Variants in NDRG1 observed in about 807,000 individuals in gnomAD.
The protein encoded by NDRG1 is N-myc downstream regulated 1.
NDRG1 carries 32 observed loss-of-function variants against 56.9 expected under a neutral mutation model. The observed-to-expected ratio is 0.56, with a 90% CI of 0.42 to 0.76. NDRG1 has a LOEUF of 0.76. Among genes scored for constraint, NDRG1 ranks in the 30% least tolerant of loss-of-function variants. The pLI is 0.00. For synonymous variants in NDRG1, 211 were observed against 204.1 expected, an observed-to-expected ratio of 1.03 and a Z score of -0.29; for missense variants, 507 against 545.7, an observed-to-expected ratio of 0.93 and a Z score of 0.71.
At chr8:133,293,082 C>T (rs1306658674) in intron 1 of NDRG1, among the ~76,000 whole-genome samples, 1 of 152,164 alleles carries the variant, frequency 6.6e-6, no homozygotes, top group Non-Finnish European at 1.5e-5. Flanking sequence ...GCCCAGGTTT[C>T]TTTTCACATG....
intron 9 of NDRG1, among the ~76,000 whole-genome samples, chr8:133,252,839 G>A (rs981697803): frequency 6.7e-6 from 1 of 148,922 alleles, no homozygotes; most frequent in Non-Finnish European, 1.5e-5. Flanking sequence ...TATTCCCCTC[G>A]TACACTCGCC....
rs1192771457 is a variant in NDRG1, at chr8:133,269,392, T to A, written c.100-4740A>T. Among the ~76,000 whole-genome samples, 4 of 152,308 alleles carry A rather than the reference T, an allele frequency of 2.6e-5. 1 individual carries two copies. Among genetic ancestry groups the A allele is most frequent in the Admixed American group, 2.6e-4 (4 of 15,300 alleles). ...GCACACACTTTCCTCTCACCTGCTCTGGAAGAGTCTAGAAAGCTGCTCTTT... is the reference window on the plus strand; with the variant it reads ...GCACACACTTTCCTCTCACCTGCTCAGGAAGAGTCTAGAAAGCTGCTCTTT... On this transcript the variant is annotated intron_variant, in intron 3 of 15. Coordinates refer to ENST00000323851, the MANE Select transcript of NDRG1 (RefSeq NM_006096.4).
At chr8:133,274,474 TAGA>T (rs1335722566) in intron 3 of NDRG1, among the ~76,000 whole-genome samples, 1 of 152,214 alleles carries the variant, frequency 6.6e-6, no homozygotes, top group Non-Finnish European at 1.5e-5. Flanking sequence ...TCAGACTCCT[TAGA>T]CTGGACCAGG....
At chr8:133,285,334 G>A (rs893699152) in intron 1 of NDRG1, among the ~76,000 whole-genome samples, 2 of 152,176 alleles carry the variant, frequency 1.3e-5, no homozygotes, top group Admixed American at 6.5e-5. Flanking sequence ...GAGGACCGGC[G>A]GAGAAGAAGT....
At chr8:133,241,262 T>A (rs545209173) in intron 15 of NDRG1, 1 of 153,356 alleles carries the variant, frequency 6.5e-6, no homozygotes, top group South Asian at 2.1e-4. Context: ...GCACTGAGTG[T>A]GGCTGCTGTT....
intron 3 of NDRG1, among the ~76,000 whole-genome samples, chr8:133,272,178 G>C (rs965540892): frequency 6.6e-6 from 1 of 152,220 alleles, no homozygotes; most frequent in Non-Finnish European, 1.5e-5. Context: ...GAGGGTCAGG[G>C]AACAGGCTGC....
intron 3 of NDRG1, among the ~76,000 whole-genome samples, chr8:133,267,078 T>A (rs1026218757): frequency 7.2e-5 from 11 of 152,132 alleles, no homozygotes; most frequent in Non-Finnish European, 1.6e-4. Context: ...CGACACTCAC[T>A]TGGAGAACCC....
At chr8:133,267,961 G>C (rs1796604993) in intron 3 of NDRG1, among the ~76,000 whole-genome samples, 1 of 152,122 alleles carries the variant, frequency 6.6e-6, no homozygotes, top group Non-Finnish European at 1.5e-5. Context: ...CTGGCATCAA[G>C]AATGTCCCTG....
At chr8:133,255,621 C>T (rs1246783049) in intron 8 of NDRG1, 2 of 337,456 alleles carry the variant, frequency 5.9e-6, no homozygotes, top group African/African-American at 4.3e-5. Context: ...GTGTTCCACT[C>T]CAGAACGTCA....
intron 3 of NDRG1, among the ~76,000 whole-genome samples, chr8:133,278,306 G>A (rs1857572819): frequency 5.3e-5 from 2 of 38,052 alleles, no homozygotes; most frequent in Admixed American, 2.7e-4. Context: ...TGAAAAAGAG[G>A]ATTGCTACCA....
chr8:133,251,096 C>T (rs10956698), intron 9 of NDRG1, among the ~76,000 whole-genome samples: 13,769 of 152,150 alleles, frequency 0.09, 763 homozygotes, highest in Middle Eastern at 0.15. Flanking sequence ...CAACTCATGC[C>T]ACAGGAAGTT....
Position 133,238,895 on chromosome 8 carries a change from T to C in NDRG1, c.1168A>G (p.Met390Val), listed in dbSNP as rs745831673. 1.9e-6 allele frequency: 3 copies of C among 1,556,226 alleles called. No individual in the cohort carries two copies. Among genetic ancestry groups the C allele is most frequent in the Non-Finnish European group, 1.7e-6 (2 of 1,150,906 alleles). The change falls in exon 16 of 16, where the codon ATG (methionine) becomes GTG (valine). Residue 390 changes from methionine to valine, a missense_variant. By Grantham distance (21) the Met-to-Val change is conservative. Coordinates refer to ENST00000323851, the MANE Select transcript of NDRG1 (RefSeq NM_006096.4). ...AAGNSAGPKS[M>V]EVSC is the part of the protein sequence containing the mutation. ...CAGGCCGCCTAGCAGGAGACCTCCA[T>C]GGACTTGGGCCCGGCGCTGTTCCCA... is the stretch of plus-strand genomic sequence containing the variant.
chr8:133,264,132 C>A (rs939491319), intron 4 of NDRG1, among the ~76,000 whole-genome samples: 2 of 151,902 alleles, frequency 1.3e-5, no homozygotes, highest in Non-Finnish European at 2.9e-5. Context: ...CCAGAACAGG[C>A]AAATTCACAG....
intron 3 of NDRG1, among the ~76,000 whole-genome samples, chr8:133,278,297 GAA>G (rs1857572634): frequency 2.5e-5 from 1 of 39,258 alleles, no homozygotes; most frequent in Admixed American, 2.7e-4. Flanking sequence ...TCAGGAGGGT[GAA>G]AAAGAGGATT....
intron 8 of NDRG1, chr8:133,254,995 A>C (rs1856290335): frequency 3.0e-6 from 1 of 331,894 alleles, no homozygotes; most frequent in South Asian, 2.6e-5. Flanking sequence ...CTTGGCTCCC[A>C]ACTATCCCTC....
At chr8:133,290,898 G>T (rs1243947658) in intron 1 of NDRG1, among the ~76,000 whole-genome samples, 7 of 152,190 alleles carry the variant, frequency 4.6e-5, no homozygotes, top group Non-Finnish European at 1.0e-4. Flanking sequence ...CCCGGGAGAG[G>T]CTGGGTATTA....
chr8:133,269,191 G>A (rs1040522270), intron 3 of NDRG1, among the ~76,000 whole-genome samples: 2 of 152,104 alleles, frequency 1.3e-5, no homozygotes, highest in Non-Finnish European at 1.5e-5. Flanking sequence ...TGCCTGTCTC[G>A]AAGCTCATGA....
intron 15 of NDRG1, chr8:133,240,518 T>C (rs1855319452): frequency 6.6e-6 from 1 of 152,234 alleles, no homozygotes; most frequent in African/African-American, 2.4e-5. Context: ...GGATGTCTAC[T>C]GAGCAGGATG....
chr8:133,281,536 T>C (rs1857801798), intron 2 of NDRG1, among the ~76,000 whole-genome samples: 1 of 152,084 alleles, frequency 6.6e-6, no homozygotes, highest in Non-Finnish European at 1.5e-5. Flanking sequence ...GAGATGTTGC[T>C]GGCATGTTTT....
Sources: allele counts gnomAD v4.1 joint callset (sites outside exome capture counted in the v4.1 genomes callset), GRCh38; gene constraint gnomAD v4.1.1; transcripts MANE v1.5; gene names NCBI Gene and HGNC (gene_info 2026-07-23, HGNC 2026-07-21).